PLA2G4D: variants seen among roughly 807,000 people sequenced by gnomAD.
PLA2G4D encodes cytosolic phospholipase A2 delta.
A neutral mutation model predicts 94.4 loss-of-function variants in PLA2G4D; 80 were observed. That is an observed-to-expected ratio of 0.85 (90% CI 0.71 to 1.02). The LOEUF (loss-of-function observed/expected upper bound fraction) is 1.02. Ranked by LOEUF, PLA2G4D falls within the 50% of genes least tolerant of loss-of-function variation. The probability of loss-of-function intolerance (pLI) is 0.00; values close to 1 mark genes in which losing one functional copy is unlikely to be tolerated. For synonymous variants in PLA2G4D, 438 were observed against 440.9 expected, an observed-to-expected ratio of 0.99 and a Z score of 0.08; for missense variants, 1,050 against 1,034.7, an observed-to-expected ratio of 1.01 and a Z score of -0.20.
chr15:42,070,385 C>T (rs888577613), intron 18 of PLA2G4D: 9 of 512,510 alleles, frequency 1.8e-5, no homozygotes, highest in Non-Finnish European at 3.1e-5. Flanking sequence ...ATCCCAGAGC[C>T]GAGAGGAGAC....
chr15:42,093,381 G>A (rs950599633), intron 1 of PLA2G4D, among the ~76,000 whole-genome samples: 10 of 152,282 alleles, frequency 6.6e-5, no homozygotes, highest in Middle Eastern at 3.4e-3. Context: ...CACAGCCTTC[G>A]CCAGGGAGAT....
chr15:42,080,645 G>A (rs967831575), intron 12 of PLA2G4D, among the ~76,000 whole-genome samples: 2 of 152,214 alleles, frequency 1.3e-5, no homozygotes, highest in African/African-American at 2.4e-5. Context: ...CCCACGCGGT[G>A]TGTGCTAGGA....
chr15:42,076,755 A>C (rs1889936326), intron 13 of PLA2G4D, among the ~76,000 whole-genome samples: 1 of 152,236 alleles, frequency 6.6e-6, no homozygotes, highest in Non-Finnish European at 1.5e-5. Flanking sequence ...TGGTAGTGGG[A>C]GTGTGAATTA....
chr15:42,086,303 C>T lies in PLA2G4D; in HGVS notation c.297G>A (p.Thr99=), dbSNP rs144751316. 2.4e-5 allele frequency: 39 copies of T among 1,601,816 alleles called. No individual in the cohort carries two copies. The highest frequency in any genetic ancestry group is 2.9e-5 in the Non-Finnish European group (34 of 1,172,644). The change falls in exon 4 of 20, where the codon ACG becomes ACA. Residue 99 remains threonine, a synonymous_variant. Transcript: ENST00000290472. ...GAACCTTGAAGCAGATGTCATCCTC[C>T]GTGACTGAGTCCTCATCATAGATGC... is the stretch of plus-strand genomic sequence containing the variant. ...ELSIYDEDSV[T]EDDICFKVLY...
chr15:42,093,186 A>AG (rs1327201530), intron 1 of PLA2G4D, among the ~76,000 whole-genome samples: 1 of 152,198 alleles, frequency 6.6e-6, no homozygotes. Flanking sequence ...TGCCAACCAC[A>AG]GGAACCGACT....
rs1312636565 is a variant in PLA2G4D, at chr15:42,081,067, G to T, written c.1024C>A (p.Leu342Ile). The change falls in exon 12 of 20, where the codon CTA becomes ATA. Residue 342 changes from leucine (L) to isoleucine (I), a missense_variant. Transcript: ENST00000290472. ...ARAMTSLYGH[L>I]LALQKLGLLD... is the part of the protein sequence containing the mutation. ...AGGCCCAGCTTCTGCAAGGCCAATA[G>T]GTGGCCGTAGAGTGAGGTCATGGCC... is the stretch of plus-strand genomic sequence containing the variant. The T allele has an allele frequency of 1.9e-6, 3 of 1,614,072 alleles. No homozygotes were observed. The East Asian group carries it at 6.7e-5, about 36-fold the overall frequency.
Position 42,068,471 on chromosome 15 carries a change from T to C in PLA2G4D, c.*244A>G. ...GAAGTAATTGTGGTGTGAAAGTCTG[T>C]CTGGTTGGACCAGCTGTTCTACACA... On this transcript the variant is annotated 3_prime_UTR_variant, in exon 20 of 20. Coordinates refer to ENST00000290472, the MANE Select transcript of PLA2G4D (RefSeq NM_178034.4). The C allele has an allele frequency of 1.9e-6, 1 of 536,604 alleles. No individual in the cohort carries two copies. Among genetic ancestry groups the C allele is most frequent in the Non-Finnish European group, 3.3e-6 (1 of 299,058 alleles). The allele number at this position is 536,604 out of a possible 1,614,324, so 33.2% of individuals were successfully genotyped here.
chr15:42,072,617 A>C (rs1387381517), intron 13 of PLA2G4D, among the ~76,000 whole-genome samples: 1 of 152,176 alleles, frequency 6.6e-6, no homozygotes, highest in Non-Finnish European at 1.5e-5. Context: ...TGTACTATGA[A>C]TCTCCAGCGA....
chr15:42,071,554 G>A lies in PLA2G4D; in HGVS notation c.1574-3C>T. The A allele has an allele frequency of 1.2e-6, 2 of 1,611,070 alleles. No homozygotes were observed. Among genetic ancestry groups the A allele is most frequent in the Non-Finnish European group, 1.7e-6 (2 of 1,177,926 alleles). On this transcript the variant is annotated splice_polypyrimidine_tract_variant and splice_region_variant and intron_variant, in intron 15 of 19. Coordinates refer to ENST00000290472, the MANE Select transcript of PLA2G4D (RefSeq NM_178034.4). ...GGAGAAAATGTTGCTCCAGATGGCT[G>A]AGGAACACCAAAAGAGATCAGCCTC...
intron 13 of PLA2G4D, among the ~76,000 whole-genome samples, chr15:42,076,918 A>C (rs953961420): frequency 6.6e-6 from 1 of 152,230 alleles, no homozygotes; most frequent in Admixed American, 6.5e-5. Flanking sequence ...AAAATTGTTC[A>C]TGCAAATAAT....
At chr15:42,086,159 G>C in intron 4 of PLA2G4D, 54 bp downstream of exon 4, 1 of 1,516,058 alleles carries the variant, frequency 6.6e-7, no homozygotes, top group Non-Finnish European at 8.9e-7. Flanking sequence ...TACTTCCTCA[G>C]CTTGGAGTTG....
At position 42,081,846 on chromosome 15, in the gene PLA2G4D, G is replaced by T. The variant is rs1312366346; in HGVS notation, c.784-12C>A. 6.2e-7 allele frequency: 1 copy of T among 1,613,532 alleles called. No homozygotes were observed. The highest frequency in any genetic ancestry group is 8.5e-7 in the Non-Finnish European group (1 of 1,179,824). On this transcript the variant is annotated splice_polypyrimidine_tract_variant and intron_variant, in intron 9 of 19. Coordinates refer to ENST00000290472, the MANE Select transcript of PLA2G4D (RefSeq NM_178034.4). The stretch of plus-strand genomic sequence containing the variant: ...CTCACTCCTGGGGCCTGAAATCAAA[G>T]CCAGAGACTCTGCTCAGACCCTCCT...
chr15:42,093,924 G>A (rs920578389), intron 1 of PLA2G4D, among the ~76,000 whole-genome samples: 2 of 152,166 alleles, frequency 1.3e-5, no homozygotes, highest in African/African-American at 2.4e-5. Context: ...GTGGGGGGGT[G>A]GCGAGAAGTT....
intron 1 of PLA2G4D, among the ~76,000 whole-genome samples, chr15:42,091,572 G>T (rs150625729): frequency 1.5e-5 from 2 of 137,782 alleles, no homozygotes; most frequent in Non-Finnish European, 3.3e-5. Context: ...TTAGCAGACC[G>T]GGAAAGGGAG....
chr15:42,081,029 C>T lies in PLA2G4D; in HGVS notation c.1062G>A (p.Val354=). 6.2e-7 allele frequency: 1 copy of T among 1,614,114 alleles called. No individual in the cohort carries two copies. The highest frequency in any genetic ancestry group is 1.3e-5 in the African/African-American group (1 of 75,040). ...AGCCAGAGATGCCACTGAAGTAGGTCACACAGTCTAGGAGGCCCAGCTTCT... is the reference window on the plus strand; with the variant it reads ...AGCCAGAGATGCCACTGAAGTAGGTTACACAGTCTAGGAGGCCCAGCTTCT... ...ALQKLGLLDC[V]TYFSGISGST... Residue 354 remains valine (V), a synonymous_variant, in exon 12 of 20, where the codon GTG becomes GTA. Transcript: ENST00000290472.
In PLA2G4D at chr15:42,087,678, T is replaced by G; in HGVS notation, c.68A>C (p.Gln23Pro). The stretch of plus-strand genomic sequence containing the variant: ...CGCCTCCAGGACCCTCACTGTGAGC[T>G]GCCAGCAGGTAGAGGCCTCCCCCTG... ...PYQGEASTCW[Q>P]LTVRVLEARN... The change falls in exon 2 of 20, where the codon CAG (glutamine) becomes CCG (proline). Residue 23 changes from glutamine (Q) to proline (P), a missense_variant. Physicochemically the swap from Gln to Pro is moderately conservative, Grantham distance 76 (BLOSUM62 -1). Coordinates refer to ENST00000290472, the MANE Select transcript of PLA2G4D (RefSeq NM_178034.4). 1 of 1,614,154 alleles carries G rather than the reference T, an allele frequency of 6.2e-7. No individual in the cohort carries two copies. The highest frequency in any genetic ancestry group is 8.5e-7 in the Non-Finnish European group (1 of 1,180,012).
intron 13 of PLA2G4D, among the ~76,000 whole-genome samples, chr15:42,076,253 T>C (rs942064280): frequency 2.6e-5 from 4 of 152,064 alleles, no homozygotes; most frequent in African/African-American, 9.7e-5. Context: ...GTTATTAATG[T>C]GAGAAAAAAC....
intron 2 of PLA2G4D, 25 bp downstream of exon 2, chr15:42,087,603 C>T: frequency 6.2e-7 from 1 of 1,613,760 alleles, no homozygotes; most frequent in Non-Finnish European, 8.5e-7. Flanking sequence ...CTGCTCCCGA[C>T]AGAGCGCACA....
At position 42,080,996 on chromosome 15, in the gene PLA2G4D, C is replaced by T; in HGVS notation, c.1094+1G>A. The T allele has an allele frequency of 6.2e-7, 1 of 1,613,626 alleles. No homozygotes were observed. Among genetic ancestry groups the T allele is most frequent in the Non-Finnish European group, 8.5e-7 (1 of 1,179,690 alleles). On this transcript the variant is annotated splice_donor_variant, in intron 12 of 19. Transcript: ENST00000290472. LOFTEE classifies it high-confidence loss of function. ...GCCACCCAGTCCCCCAGGATCCTCA[C>T]CACGTAGAGCCAGAGATGCCACTGA...
Sources: gnomAD v4.1 joint callset for allele counts (sites outside exome capture counted in the v4.1 genomes callset) on GRCh38, gnomAD v4.1.1 for gene constraint, MANE v1.5 for transcripts, NCBI Gene and HGNC (gene_info 2026-07-23, HGNC 2026-07-21) for gene names.